Variants in BICRAL observed in about 807,000 individuals in gnomAD.
BICRAL encodes the protein BICRA like chromatin remodeling complex associated protein.
BICRAL carries 8 observed loss-of-function variants against 91.8 expected under a neutral mutation model. The observed-to-expected ratio is 0.09, with a 90% confidence interval of 0.05 to 0.16. BICRAL has a LOEUF of 0.16. Ranked by LOEUF, BICRAL falls within the 10% of genes least tolerant of loss-of-function variation. BICRAL has a pLI of 1.00. For synonymous variants in BICRAL, 445 were observed against 491.1 expected, an observed-to-expected ratio of 0.91 and a Z score of 1.24; for missense variants, 1,038 against 1,310.9, an observed-to-expected ratio of 0.79 and a Z score of 3.21.
At chr6:42,785,329 C>G (rs1393418129) in intron 1 of BICRAL, among the ~76,000 whole-genome samples, 2 of 151,364 alleles carry the variant, frequency 1.3e-5, no homozygotes, top group African/African-American at 4.8e-5. Flanking sequence ...GAGGCTGAGG[C>G]GGGCGGATTA....
intron 1 of BICRAL, among the ~76,000 whole-genome samples, chr6:42,798,951 A>G (rs1400321081): frequency 6.6e-6 from 1 of 152,016 alleles, no homozygotes; most frequent in East Asian, 1.9e-4. Flanking sequence ...TTATTGTTAT[A>G]TTGTCATTTT....
At chr6:42,864,321 C>G (rs1765643967) in intron 12 of BICRAL, among the ~76,000 whole-genome samples, 1 of 152,094 alleles carries the variant, frequency 6.6e-6, no homozygotes. Flanking sequence ...GTCTGGGCAA[C>G]AGAGCAAGAC....
At position 42,829,406 on chromosome 6, in the gene BICRAL, A is replaced by G; in HGVS notation, c.1073A>G (p.His358Arg). Reference protein sequence around the residue: ...SSPQGSVVGPHMSVNIVNQQN... With the variant: ...SSPQGSVVGPRMSVNIVNQQN... ...CCCCAGGGCTCAGTAGTTGGTCCAC[A>G]CATGTCTGTGAACATTGTAAACCAA... Residue 358 changes from histidine to arginine, a missense_variant, in exon 6 of 13, where the codon CAC becomes CGC. Transcript: ENST00000314073. 1.2e-6 allele frequency: 2 copies of G among 1,614,222 alleles called. No homozygotes were observed. Among genetic ancestry groups the G allele is most frequent in the South Asian group, 2.2e-5 (2 of 91,086 alleles).
chr6:42,835,038 T>G (rs1369598941), intron 6 of BICRAL, among the ~76,000 whole-genome samples: 2 of 152,208 alleles, frequency 1.3e-5, no homozygotes, highest in African/African-American at 2.4e-5. Flanking sequence ...ATATTGATAG[T>G]TCCAATTCTA....
intron 5 of BICRAL, among the ~76,000 whole-genome samples, chr6:42,824,512 T>G (rs1764232834): frequency 6.6e-6 from 1 of 152,014 alleles, no homozygotes; most frequent in South Asian, 2.1e-4. Context: ...ACCAGCTAAT[T>G]TTTGTATTTT....
At chr6:42,783,135 T>C (rs1341492075) in intron 1 of BICRAL, among the ~76,000 whole-genome samples, 1 of 150,668 alleles carries the variant, frequency 6.6e-6, no homozygotes. Context: ...CCCGGCCCCG[T>C]TCCCGCTCCC....
chr6:42,840,103 C>T (rs373991879), intron 6 of BICRAL, among the ~76,000 whole-genome samples: 85 of 152,242 alleles, frequency 5.6e-4, no homozygotes, highest in Admixed American at 5.0e-3. Flanking sequence ...GATGGGGTCT[C>T]GCTATGTTGT....
At chr6:42,844,893 A>T (rs1353215949) in intron 6 of BICRAL, among the ~76,000 whole-genome samples, 2 of 152,150 alleles carry the variant, frequency 1.3e-5, no homozygotes, top group Non-Finnish European at 2.9e-5. Context: ...TTGTAGACAG[A>T]GGAGGGACAC....
At chr6:42,771,303 G>A (rs1762721237) in intron 1 of BICRAL, among the ~76,000 whole-genome samples, 1 of 152,178 alleles carries the variant, frequency 6.6e-6, no homozygotes, top group Non-Finnish European at 1.5e-5. Context: ...TCCGTCACAG[G>A]TACAATTCGC....
chr6:42,786,169 T>G (rs996583436), intron 1 of BICRAL, among the ~76,000 whole-genome samples: 1 of 152,262 alleles, frequency 6.6e-6, no homozygotes. Context: ...ATTTTGTGCT[T>G]TCTCTTGTTG....
At chr6:42,819,335 G>C (rs1243459172) in intron 2 of BICRAL, among the ~76,000 whole-genome samples, 1 of 151,994 alleles carries the variant, frequency 6.6e-6, no homozygotes, top group African/African-American at 2.4e-5. Flanking sequence ...ACCCAGGCTG[G>C]AGTGCAGTGG....
Position 42,867,271 on chromosome 6 carries a change from G to A in BICRAL, c.*1825G>A, listed in dbSNP as rs575901760. On this transcript the variant is annotated 3_prime_UTR_variant, in exon 13 of 13. Transcript: ENST00000314073. ...CACAGAAAACCCTGTGAGATGGCCA[G>A]TCTTCATAATAGCAACGTACCTTCA... 6.4e-6 allele frequency: 1 copy of A among 157,456 alleles called. No individual in the cohort carries two copies. Among genetic ancestry groups the A allele is most frequent in the Admixed American group, 6.2e-5 (1 of 16,074 alleles). 9.8% of individuals were successfully genotyped at this position (157,456 alleles called of 1,614,324 possible).
At chr6:42,758,271 C>G (rs1762490727) in intron 1 of BICRAL, among the ~76,000 whole-genome samples, 1 of 152,190 alleles carries the variant, frequency 6.6e-6, no homozygotes, top group South Asian at 2.1e-4. Flanking sequence ...CCCTAAAATG[C>G]AAGCCGATTG....
At chr6:42,757,845 G>A (rs1762485223) in intron 1 of BICRAL, among the ~76,000 whole-genome samples, 1 of 152,210 alleles carries the variant, frequency 6.6e-6, no homozygotes, top group Admixed American at 6.5e-5. Flanking sequence ...AGGCCTGAGA[G>A]CTAGCTAAGT....
intron 6 of BICRAL, among the ~76,000 whole-genome samples, chr6:42,830,763 A>G (rs574103091): frequency 5.9e-4 from 90 of 152,180 alleles, no homozygotes; most frequent in African/African-American, 2.0e-3. Flanking sequence ...CTACAAGCAC[A>G]TACCAGCACA....
At chr6:42,747,836 T>C (rs1169092982) in intron 1 of BICRAL, among the ~76,000 whole-genome samples, 4 of 149,040 alleles carry the variant, frequency 2.7e-5, no homozygotes, top group African/African-American at 7.4e-5. Context: ...GACGGAGTTA[T>C]GCTGTTGTTG....
intron 6 of BICRAL, among the ~76,000 whole-genome samples, chr6:42,845,220 TTTTTTTTTTTTTTTTTTTTTTTTTTTTTA>T (rs1764967253): frequency 1.3e-5 from 1 of 77,738 alleles, no homozygotes; most frequent in Non-Finnish European, 2.4e-5. Flanking sequence ...TTTTTTTTTT[TTTTTTTTTTTTTTTTTTTTTTTTTTTTTA>T]GACAGAGTTT....
rs768006566 is a variant in BICRAL, at chr6:42,829,512, A to G, written c.1179A>G (p.Gln393=). Residue 393 remains glutamine, a synonymous_variant, in exon 6 of 13, where the codon CAA becomes CAG. Coordinates refer to ENST00000314073, the MANE Select transcript of BICRAL (RefSeq NM_001393499.1). ...TTGTTATTCATTCCCCCATGGGCCA[A>G]CCTCACGCACCCCAAAGTCAGTTCC... The part of the protein sequence containing the change: ...GSIVIHSPMG[Q]PHAPQSQFLI... 9.3e-6 allele frequency: 15 copies of G among 1,614,030 alleles called. No homozygotes were observed. In the East Asian group the frequency reaches 2.7e-4, roughly 29 times the overall value.
At chr6:42,819,863 G>C (rs1764093640) in intron 2 of BICRAL, among the ~76,000 whole-genome samples, 2 of 152,170 alleles carry the variant, frequency 1.3e-5, no homozygotes, top group South Asian at 4.1e-4. Flanking sequence ...TGGGACCAGA[G>C]GAGAAGGCCT....
Sources: allele counts gnomAD v4.1 joint callset (sites outside exome capture counted in the v4.1 genomes callset), GRCh38; gene constraint gnomAD v4.1.1; transcripts MANE v1.5; gene names NCBI Gene and HGNC (gene_info 2026-07-23, HGNC 2026-07-21).